The following CELF2 variants were observed in gnomAD, a reference collection of about 807,000 sequenced individuals.
The protein encoded by CELF2 is CUG triplet repeat RNA-binding protein 2.
In CELF2, 8 loss-of-function variants were observed where a neutral mutation model predicts 62.6. The ratio of observed to expected loss-of-function variants is 0.13; its 90% CI spans 0.07 to 0.23. The LOEUF (loss-of-function observed/expected upper bound fraction) is 0.23. CELF2 is among the 10% of genes least tolerant of loss of function. CELF2 has a pLI of 1.00. For missense variants in CELF2, 333 were observed against 671.0 expected (o/e 0.50, Z 5.56); for synonymous variants, 258 against 250.0 (o/e 1.03, Z -0.30).
At chr10:11,287,418 T>C (rs1352668199) in intron 8 of CELF2, among the ~76,000 whole-genome samples, 1 of 152,212 alleles carries the variant, frequency 6.6e-6, no homozygotes, top group Non-Finnish European at 1.5e-5. Context: ...CTATCCGGTG[T>C]AGACACCAGG....
At chr10:10,551,546 T>C in the CELF2 span, among the ~76,000 whole-genome samples, 3 of 152,102 alleles carry the variant, frequency 2.0e-5, no homozygotes, top group Admixed American at 6.6e-5. Context: ...CACAGTTTCA[T>C]AGGATTTTTA....
the CELF2 span, among the ~76,000 whole-genome samples, chr10:10,775,003 C>T: frequency 6.6e-6 from 1 of 151,968 alleles, no homozygotes; most frequent in African/African-American, 2.4e-5. Flanking sequence ...CTCAGCCTCC[C>T]GAGTAGCTGG....
At chr10:11,137,968 A>T (rs2060705941) in intron 1 of CELF2, among the ~76,000 whole-genome samples, 1 of 152,218 alleles carries the variant, frequency 6.6e-6, no homozygotes, top group South Asian at 2.1e-4. Flanking sequence ...TCAATTTAGG[A>T]TGGTAAAAAT....
the CELF2 span, among the ~76,000 whole-genome samples, chr10:10,477,049 A>T: frequency 6.6e-6 from 1 of 152,220 alleles, no homozygotes; most frequent in Non-Finnish European, 1.5e-5. Flanking sequence ...TATTTCTATC[A>T]CAGCCAACTC....
chr10:11,080,181 T>C (rs2073607803), intron 1 of CELF2, among the ~76,000 whole-genome samples: 1 of 152,188 alleles, frequency 6.6e-6, no homozygotes, highest in African/African-American at 2.4e-5. Context: ...ATTTTAAAAA[T>C]GGAAATAACA....
the CELF2 span, among the ~76,000 whole-genome samples, chr10:10,613,803 T>C: frequency 6.6e-6 from 1 of 152,186 alleles, no homozygotes; most frequent in Non-Finnish European, 1.5e-5. Flanking sequence ...AGGGGTATGA[T>C]TATGGCGAGA....
intron 1 of CELF2, among the ~76,000 whole-genome samples, chr10:11,109,465 A>G (rs1190526019): frequency 6.6e-6 from 1 of 152,228 alleles, no homozygotes; most frequent in Non-Finnish European, 1.5e-5. Flanking sequence ...CGAAAGCTGC[A>G]AGAAAGAGCC....
At chr10:11,167,266 TA>T (rs997328532) in intron 2 of CELF2, among the ~76,000 whole-genome samples, 1 of 152,142 alleles carries the variant, frequency 6.6e-6, no homozygotes, top group Non-Finnish European at 1.5e-5. Flanking sequence ...AGGCTAGAGC[TA>T]AAAAAATTAA....
At chr10:11,085,413 A>G (rs1223633611) in intron 1 of CELF2, among the ~76,000 whole-genome samples, 4 of 152,244 alleles carry the variant, frequency 2.6e-5, no homozygotes, top group Admixed American at 2.6e-4. Flanking sequence ...CCCGTGTATT[A>G]GAACACCGTG....
At chr10:10,725,566 C>T in the CELF2 span, among the ~76,000 whole-genome samples, 66 of 152,278 alleles carry the variant, frequency 4.3e-4, no homozygotes, top group East Asian at 7.1e-3. Context: ...TGGATACAGC[C>T]TTCAAGCCAC....
intron 3 of CELF2, among the ~76,000 whole-genome samples, chr10:11,225,256 C>T (rs560186850): frequency 6.6e-6 from 1 of 152,312 alleles, no homozygotes; most frequent in Non-Finnish European, 1.5e-5. Flanking sequence ...TCATGGTCCT[C>T]ATTGTCCCTG....
chr10:11,144,779 C>G (rs1381634902), intron 1 of CELF2, among the ~76,000 whole-genome samples: 1 of 151,364 alleles, frequency 6.6e-6, no homozygotes, highest in Non-Finnish European at 1.5e-5. Flanking sequence ...GTCGTACCAG[C>G]TACTCGGGAG....
chr10:11,076,639 G>C (rs946881365), intron 1 of CELF2, among the ~76,000 whole-genome samples: 1 of 152,172 alleles, frequency 6.6e-6, no homozygotes, highest in Admixed American at 6.5e-5. Flanking sequence ...AAGAATGCTG[G>C]CTCTAGGTGA....
At chr10:10,533,877 G>A in the CELF2 span, among the ~76,000 whole-genome samples, 1,522 of 152,138 alleles carry the variant, frequency 0.01, 21 homozygotes, top group African/African-American at 0.035. Flanking sequence ...AGTCACTGGC[G>A]GATAATATTT....
At chr10:10,973,970 C>CA (rs746604906) in intron 2 of CELF2, among the ~76,000 whole-genome samples, 1 of 152,130 alleles carries the variant, frequency 6.6e-6, no homozygotes, top group Non-Finnish European at 1.5e-5. Flanking sequence ...CCACATCATT[C>CA]TAATTTTTCT....
chr10:10,695,522 T>G, the CELF2 span, among the ~76,000 whole-genome samples: 1 of 151,180 alleles, frequency 6.6e-6, no homozygotes, highest in Admixed American at 6.6e-5. Flanking sequence ...TTTGTGGCGT[T>G]GTCTGTATTT....
In CELF2 at chr10:11,332,000, AAGAAAAC is replaced by A. The variant is rs992239480; in HGVS notation, c.*2956_*2962del. ...ACTTTGTTCTTTGGTTAAGATCCAA[AAGAAAAC>A]AGAAAACAATTCCACGAGGCCAATC... On this transcript the variant is annotated 3_prime_UTR_variant, in exon 13 of 13. Coordinates refer to ENST00000633077, the MANE Select transcript of CELF2 (RefSeq NM_001326342.2). The A allele has an allele frequency of 4.5e-4, 68 of 152,348 alleles. No individual in the cohort carries two copies. Among genetic ancestry groups the A allele is most frequent in the African/African-American group, 1.4e-3 (60 of 41,582 alleles). The allele number at this position is 152,348 out of a possible 1,614,324, so 9.4% of individuals were successfully genotyped here.
chr10:10,670,736 G>C, the CELF2 span, among the ~76,000 whole-genome samples: 1 of 152,268 alleles, frequency 6.6e-6, no homozygotes, highest in South Asian at 2.1e-4. Flanking sequence ...TCTGTGATCT[G>C]CCTATTCATC....
At chr10:11,205,156 C>T (rs2060147461) in intron 2 of CELF2, among the ~76,000 whole-genome samples, 1 of 152,122 alleles carries the variant, frequency 6.6e-6, no homozygotes, top group South Asian at 2.1e-4. Context: ...CTGCTAGTTC[C>T]AAGTAATTAC....
Sources: gnomAD v4.1 joint callset for allele counts (sites outside exome capture counted in the v4.1 genomes callset) on GRCh38, gnomAD v4.1.1 for gene constraint, MANE v1.5 for transcripts, NCBI Gene and HGNC (gene_info 2026-07-23, HGNC 2026-07-21) for gene names.